The following RINT1 variants were observed in gnomAD, a reference collection of about 807,000 sequenced individuals.
The protein encoded by RINT1 is RAD50-interacting protein 1.
Under a neutral mutation model 97.7 loss-of-function variants are expected in RINT1, and 75 were observed. The ratio of observed to expected loss-of-function variants is 0.77; its 90% CI spans 0.64 to 0.93. The LOEUF is 0.93. RINT1 is among the 40% of genes least tolerant of loss of function. RINT1 has a pLI of 0.00. For synonymous variants in RINT1, 303 were observed against 326.3 expected (o/e 0.93, Z 0.77); for missense variants, 892 against 925.2 (o/e 0.96, Z 0.47).
At chr7:105,532,775 A>G (rs1790084638) in intron 1 of RINT1, 49 bp from the exon 2 acceptor site, 1 of 1,601,178 alleles carries the variant, frequency 6.2e-7, no homozygotes, top group Non-Finnish European at 8.6e-7. Flanking sequence ...TATGCTTTCC[A>G]TCCACGACTT....
Position 105,555,212 on chromosome 7 carries a change from T to C in RINT1, c.1656T>C (p.Asp552=), listed in dbSNP as rs192297021. 390 of 1,613,418 alleles carry C rather than the reference T, an allele frequency of 2.4e-4. 2 individuals are homozygous for C. In the East Asian group the frequency reaches 8.1e-3, roughly 33 times the overall value. ...ACTACATCTCAACAGTACTAGCAGA[T>C]TGGGCTGACAATGTTGTGAGTTAAT... is the stretch of plus-strand genomic sequence containing the variant. ...AVNYISTVLA[D]WADNVFFLQL... Residue 552 remains aspartate, a synonymous_variant, in exon 11 of 15, where the codon GAT becomes GAC. Transcript: ENST00000257700.
rs750920467 is a variant in RINT1 at position 105,551,621 on chromosome 7, C to T, written c.1385C>T (p.Ser462Leu). 1.6e-5 allele frequency: 26 copies of T among 1,609,888 alleles called. No homozygotes were observed. The Admixed American group carries it at 2.9e-4, about 18-fold the overall frequency. The change falls in exon 10 of 15, where the codon TCG becomes TTG. Residue 462 changes from serine (S) to leucine (L), a missense_variant. By Grantham distance (145) the Ser-to-Leu change is moderately radical. Coordinates refer to ENST00000257700, the MANE Select transcript of RINT1 (RefSeq NM_021930.6). ...SMLSSEAAWVSQYKDITDVDE... is the reference protein window; with the variant it reads ...SMLSSEAAWVLQYKDITDVDE... ...CTTTCCTCAGAAGCTGCCTGGGTATCGCAATATAAGGATATCACTGACGTG... is the reference window on the plus strand; with the variant it reads ...CTTTCCTCAGAAGCTGCCTGGGTATTGCAATATAAGGATATCACTGACGTG...
At chr7:105,547,918 G>T (rs1790744352) in intron 6 of RINT1, among the ~76,000 whole-genome samples, 1 of 151,426 alleles carries the variant, frequency 6.6e-6, no homozygotes, top group Admixed American at 6.6e-5. Flanking sequence ...GTAGAGACGG[G>T]GTTTTTCCAT....
In RINT1 at chr7:105,550,178, G is replaced by C. The variant is rs759727367; in HGVS notation, c.1107+13G>C. On this transcript the variant is annotated intron_variant, in intron 8 of 14. Coordinates refer to ENST00000257700, the MANE Select transcript of RINT1 (RefSeq NM_021930.6). Reference sequence around the variant, plus strand: ...GGTAAACGCAAGGGTAAGAGACTCAGTCATAAGTGTTTCTGTTTTAGAACT... The same window carrying C: ...GGTAAACGCAAGGGTAAGAGACTCACTCATAAGTGTTTCTGTTTTAGAACT... 1.2e-6 allele frequency: 2 copies of C among 1,605,394 alleles called. No individual in the cohort carries two copies. Among genetic ancestry groups the C allele is most frequent in the South Asian group, 2.2e-5 (2 of 90,836 alleles).
chr7:105,564,973 GAAA>G (rs1045871627), intron 12 of RINT1: 33 of 207,666 alleles, frequency 1.6e-4, no homozygotes, highest in African/African-American at 7.6e-4. Context: ...CAAAAAAAAA[GAAA>G]AACTACATAA....
rs1562853874 is a variant in RINT1 at position 105,555,141 on chromosome 7, AG to A, written c.1586del (p.Arg529LysfsTer15). The A allele has an allele frequency of 6.2e-6, 10 of 1,613,386 alleles. No homozygotes were observed. The highest frequency in any genetic ancestry group is 1.3e-5 in the African/African-American group (1 of 74,938). On this transcript the variant is annotated frameshift_variant, in exon 11 of 15. Coordinates refer to ENST00000257700, the MANE Select transcript of RINT1 (RefSeq NM_021930.6). LOFTEE classifies it high-confidence loss of function. ...RLTQVMKEET[R>X]ASLGFRYCAI... ...AACACAAGTGATGAAAGAAGAGACTAGAGCTTCCCTTGGCTTTCGATACTGT... is the reference window on the plus strand; with the variant it reads ...AACACAAGTGATGAAAGAAGAGACTAAGCTTCCCTTGGCTTTCGATACTGT...
intron 11 of RINT1, among the ~76,000 whole-genome samples, chr7:105,560,235 A>G (rs1279647470): frequency 6.6e-6 from 1 of 152,180 alleles, no homozygotes; most frequent in Non-Finnish European, 1.5e-5. Flanking sequence ...GGTGCCTCTC[A>G]TATGTCCATC....
intron 10 of RINT1, among the ~76,000 whole-genome samples, chr7:105,553,923 G>C: frequency 9.2e-6 from 1 of 108,282 alleles, no homozygotes; most frequent in East Asian, 2.4e-4. Flanking sequence ...TTTTGAGATG[G>C]AGTCTCACTC....
chr7:105,563,471 A>T (rs1791532169), intron 11 of RINT1, among the ~76,000 whole-genome samples: 1 of 152,094 alleles, frequency 6.6e-6, no homozygotes, highest in Non-Finnish European at 1.5e-5. Flanking sequence ...AGCTAGGATT[A>T]CAGGCACATG....
At chr7:105,549,679 A>C (rs1236419887) in intron 7 of RINT1, among the ~76,000 whole-genome samples, 1 of 152,156 alleles carries the variant, frequency 6.6e-6, no homozygotes, top group African/African-American at 2.4e-5. Flanking sequence ...ACTTTTTGAA[A>C]ATAAAAACCA....
intron 2 of RINT1, chr7:105,535,487 C>CA (rs1488868213): frequency 3.1e-5 from 13 of 423,314 alleles, no homozygotes; most frequent in Middle Eastern, 1.5e-3. Context: ...CTCAACCTCC[C>CA]AAAGTGCTGA....
chr7:105,536,504 A>C (rs1444218211), intron 2 of RINT1, 61 bp from the exon 3 acceptor site: 20 of 1,240,096 alleles, frequency 1.6e-5, no homozygotes, highest in Non-Finnish European at 2.1e-5. Context: ...TATATGTTTT[A>C]TATTTTCTTT....
rs199987284 is a variant in RINT1 at position 105,551,521 on chromosome 7, G to C, written c.1334-49G>C. On this transcript the variant is annotated intron_variant, in intron 9 of 14. Coordinates refer to ENST00000257700, the MANE Select transcript of RINT1 (RefSeq NM_021930.6). ...AAAAAATTACAAGTTGAATAATTAG[G>C]AACGACTGTAACTACTTAATTGACA... is the stretch of plus-strand genomic sequence containing the variant. 1,968 of 1,463,086 alleles carry C rather than the reference G, an allele frequency of 1.3e-3. 4 individuals are homozygous for C. Among genetic ancestry groups the C allele is most frequent in the Middle Eastern group, 2.0e-3 (11 of 5,450 alleles). 90.6% of individuals were successfully genotyped at this position (1,463,086 alleles called of 1,614,324 possible). A position where few individuals can be genotyped will look rare whatever the true frequency, so the allele number is the denominator to read the frequency against.
At chr7:105,552,666 C>CTTTTTTTTTTTTTTTTT (rs386410906) in intron 10 of RINT1, among the ~76,000 whole-genome samples, 1 of 79,996 alleles carries the variant, frequency 1.3e-5, no homozygotes, top group Non-Finnish European at 2.3e-5. Context: ...TAAATAATTC[C>CTTTTTTTTTTTTTTTTT]TTTTTTTTTT....
intron 4 of RINT1, 129 bp from the exon 5 acceptor site, chr7:105,546,779 GGC>G: frequency 1.6e-6 from 1 of 628,578 alleles, no homozygotes; most frequent in Non-Finnish European, 2.7e-6. Flanking sequence ...TGGAGGCTGA[GGC>G]GGGAGAATCA....
In RINT1 at chr7:105,532,272, C is replaced by T; in HGVS notation, c.-44C>T. 6.4e-7 allele frequency: 1 copy of T among 1,551,262 alleles called. No homozygotes were observed. The highest frequency in any genetic ancestry group is 8.7e-7 in the Non-Finnish European group (1 of 1,152,090). On this transcript the variant is annotated 5_prime_UTR_variant, in exon 1 of 15. Transcript: ENST00000257700. ...GCTGGCCTTAGCCAGACTCCACAGGCCACGCTGGCTGCGAATGGAGCCGAG... is the reference window on the plus strand; with the variant it reads ...GCTGGCCTTAGCCAGACTCCACAGGTCACGCTGGCTGCGAATGGAGCCGAG...
intron 11 of RINT1, among the ~76,000 whole-genome samples, chr7:105,561,951 A>C (rs559136460): frequency 3.9e-5 from 6 of 152,304 alleles, no homozygotes; most frequent in African/African-American, 9.6e-5. Context: ...CATGTGATAC[A>C]AAATTCAAAA....
At chr7:105,546,339 G>A (rs1267884012) in intron 4 of RINT1, among the ~76,000 whole-genome samples, 1 of 152,172 alleles carries the variant, frequency 6.6e-6, no homozygotes, top group East Asian at 1.9e-4. Context: ...AGTAGGAAGG[G>A]AAAGGTCCCG....
At chr7:105,552,666 C>CTTTTTTTTTTTTTT (rs386410906) in intron 10 of RINT1, among the ~76,000 whole-genome samples, 1 of 79,992 alleles carries the variant, frequency 1.3e-5, no homozygotes, top group Non-Finnish European at 2.3e-5. Context: ...TAAATAATTC[C>CTTTTTTTTTTTTTT]TTTTTTTTTT....
Sources: allele counts gnomAD v4.1 joint callset (sites outside exome capture counted in the v4.1 genomes callset), GRCh38; gene constraint gnomAD v4.1.1; transcripts MANE v1.5; gene names NCBI Gene and HGNC (gene_info 2026-07-23, HGNC 2026-07-21).